CALCOCO1: variants seen among roughly 807,000 people sequenced by gnomAD.
CALCOCO1 encodes calcium binding and coiled-coil domain 1.
Under a neutral mutation model 86.3 loss-of-function variants are expected in CALCOCO1, and 44 were observed. That is an observed-to-expected ratio of 0.51 (90% confidence interval 0.40 to 0.66). CALCOCO1 has a LOEUF of 0.66. Among genes scored for constraint, CALCOCO1 ranks in the 30% least tolerant of loss-of-function variants. The pLI, the probability that CALCOCO1 is intolerant of heterozygous loss-of-function variation, is 0.00. For synonymous variants in CALCOCO1, 297 were observed against 327.6 expected, an observed-to-expected ratio of 0.91 and a Z score of 1.01; for missense variants, 708 against 851.1, an observed-to-expected ratio of 0.83 and a Z score of 2.09.
chr12:53,711,450 G>T lies in CALCOCO1; in HGVS notation c.*494C>A. 1 of 373,972 alleles carries T rather than the reference G, an allele frequency of 2.7e-6. No individual in the cohort carries two copies. Among genetic ancestry groups the T allele is most frequent in the Non-Finnish European group, 4.7e-6 (1 of 211,290 alleles). 23.2% of individuals were successfully genotyped at this position (373,972 alleles called of 1,614,324 possible). On this transcript the variant is annotated 3_prime_UTR_variant, in exon 15 of 15. Coordinates refer to ENST00000550804, the MANE Select transcript of CALCOCO1 (RefSeq NM_020898.3). ...ACCAATGAAACTGAGAACCAAAAGG[G>T]ACCTGAGAGGCCATGATGTCCATGC... is the stretch of plus-strand genomic sequence containing the variant.
chr12:53,719,171 C>T (rs1461376976), intron 7 of CALCOCO1, among the ~76,000 whole-genome samples: 1 of 151,368 alleles, frequency 6.6e-6, no homozygotes, highest in Non-Finnish European at 1.5e-5. Context: ...AAAGACTTTT[C>T]TAATGTCTCT....
Position 53,714,619 on chromosome 12 carries a change from C to T in CALCOCO1, c.1461G>A (p.Glu487=). 6.2e-7 allele frequency: 1 copy of T among 1,614,142 alleles called. No homozygotes were observed. The highest frequency in any genetic ancestry group is 8.5e-7 in the Non-Finnish European group (1 of 1,180,000). The change falls in exon 11 of 15, where the codon GAG becomes GAA. Residue 487 remains glutamate (E), a synonymous_variant. Coordinates refer to ENST00000550804, the MANE Select transcript of CALCOCO1 (RefSeq NM_020898.3). ...SALRVLQKEK[E]QLQEEKQELL... ...TCACCTGTTTCTCCTCCTGTAACTG[C>T]TCCTTTTCCTTCTGGAGCACACGCA...
rs1945509038 is a variant in CALCOCO1, at chr12:53,709,312, A to T, written c.*2632T>A. 1.3e-5 allele frequency: 2 copies of T among 152,260 alleles called. No homozygotes were observed. Among genetic ancestry groups the T allele is most frequent in the Admixed American group, 6.5e-5 (1 of 15,288 alleles). The allele number at this position is 152,260 out of a possible 1,614,324, so 9.4% of individuals were successfully genotyped here. A position where few individuals can be genotyped will look rare whatever the true frequency, so the allele number is the denominator to read the frequency against. ...GCTGCCCCTGGGTTTCCCCCAGCCC[A>T]TGCCGTCAATTACCCTTCCTTGAGC... On this transcript the variant is annotated 3_prime_UTR_variant, in exon 15 of 15. Transcript: ENST00000550804.
chr12:53,715,589 G>T, intron 9 of CALCOCO1: 1 of 763,150 alleles, frequency 1.3e-6, no homozygotes, highest in Non-Finnish European at 2.1e-6. Context: ...AAGGTACTCT[G>T]GTGATCAGGA....
chr12:53,724,923 A>T (rs771114940), intron 2 of CALCOCO1, 164 bp downstream of exon 2: 66 of 876,830 alleles, frequency 7.5e-5, no homozygotes, highest in Non-Finnish European at 1.0e-4. Flanking sequence ...GCTAAGATGG[A>T]GAAAATATGT....
At chr12:53,727,383 C>G (rs1417779506) in intron 1 of CALCOCO1, 21 bp downstream of exon 1, 2 of 152,256 alleles carry the variant, frequency 1.3e-5, no homozygotes, top group African/African-American at 4.8e-5. Context: ...AGATCGCCCC[C>G]AATTAGGCCA....
intron 1 of CALCOCO1, among the ~76,000 whole-genome samples, chr12:53,725,531 A>T (rs942110609): frequency 6.6e-6 from 1 of 152,216 alleles, no homozygotes; most frequent in Non-Finnish European, 1.5e-5. Flanking sequence ...AGACTTCTCT[A>T]ATTTTGCTCC....
rs1219091895 is a variant in CALCOCO1, at chr12:53,713,258, G to A, written c.1792-52C>T. The A allele has an allele frequency of 2.1e-6, 3 of 1,452,204 alleles. No individual in the cohort carries two copies. The Admixed American group carries it at 5.0e-5, about 24-fold the overall frequency. 90.0% of individuals were successfully genotyped at this position (1,452,204 alleles called of 1,614,324 possible). ...CTTTGGGGTGGTGTCCCAAGATGGG[G>A]GAGCAGCACATTGGGACAGGTATGG... On this transcript the variant is annotated intron_variant, in intron 13 of 14. Transcript: ENST00000550804.
chr12:53,718,560 G>T lies in CALCOCO1; in HGVS notation c.849+1179C>A, dbSNP rs959163066. Reference sequence around the variant, plus strand: ...CCTTTTTTTTCTGAGACAGAATCTTGCTCTGTCACCCAGGCTGAAGTTCAG... The same window carrying T: ...CCTTTTTTTTCTGAGACAGAATCTTTCTCTGTCACCCAGGCTGAAGTTCAG... On this transcript the variant is annotated intron_variant, in intron 7 of 14. Coordinates refer to ENST00000550804, the MANE Select transcript of CALCOCO1 (RefSeq NM_020898.3). Among the ~76,000 whole-genome samples the T allele has an allele frequency of 3.2e-4, 48 of 152,096 alleles. 1 individual carries two copies. Among genetic ancestry groups the T allele is most frequent in the African/African-American group, 1.2e-3 (48 of 41,474 alleles).
At position 53,725,129 on chromosome 12, in the gene CALCOCO1, T is replaced by A. The variant is rs1480140043; in HGVS notation, c.114A>T (p.Pro38=). ...TKVECHYTLP[P]GTMPSASDWI... ...AGTCACTGGCACTGGGCATGGTGCC[T>A]GGGGGAAGGGTGTAGTGACATTCCA... The change falls in exon 2 of 15, where the codon CCA becomes CCT. Residue 38 remains proline (P), a synonymous_variant. Coordinates refer to ENST00000550804, the MANE Select transcript of CALCOCO1 (RefSeq NM_020898.3). The A allele has an allele frequency of 1.9e-6, 3 of 1,612,138 alleles. No individual in the cohort carries two copies. Among genetic ancestry groups the A allele is most frequent in the African/African-American group, 2.7e-5 (2 of 74,826 alleles).
In CALCOCO1 at chr12:53,724,785, G is replaced by A. The variant is rs779481875; in HGVS notation, c.157-38C>T. 4.0e-6 allele frequency: 6 copies of A among 1,506,836 alleles called. No homozygotes were observed. The Admixed American group carries it at 1.1e-4, about 27-fold the overall frequency. The allele number at this position is 1,506,836 out of a possible 1,614,324, so 93.3% of individuals were successfully genotyped here. A position where few individuals can be genotyped will look rare whatever the true frequency, so the allele number is the denominator to read the frequency against. On this transcript the variant is annotated intron_variant, in intron 2 of 14. Coordinates refer to ENST00000550804, the MANE Select transcript of CALCOCO1 (RefSeq NM_020898.3). ...AAGGTTGGAGAAAGGTATGGTCATG[G>A]AACTACCTTCTATGGATGGAAGAAA...
intron 5 of CALCOCO1, 149 bp from the exon 6 acceptor site, chr12:53,721,764 A>T (rs770456682): frequency 2.9e-5 from 29 of 1,007,922 alleles, no homozygotes; most frequent in Non-Finnish European, 3.9e-5. Context: ...GTAAGGGAAC[A>T]TTCCCTTACC....
intron 7 of CALCOCO1, 68 bp from the exon 8 acceptor site, chr12:53,716,483 T>C (rs1565644869): frequency 1.3e-6 from 2 of 1,535,156 alleles, no homozygotes; most frequent in South Asian, 2.3e-5. Context: ...GGTGAACCAT[T>C]GTGATGAGAG....
rs985160334 is a variant in CALCOCO1 at position 53,711,206 on chromosome 12, A to AG, written c.*737dup. Reference sequence around the variant, plus strand: ...TTGCTGTGGGGGGACCTGGAGAGGGAGGGGGGCCTTGGAAATGGGGATACC... The same window carrying AG: ...TTGCTGTGGGGGGACCTGGAGAGGGAGGGGGGGCCTTGGAAATGGGGATACC... On this transcript the variant is annotated 3_prime_UTR_variant, in exon 15 of 15. Coordinates refer to ENST00000550804, the MANE Select transcript of CALCOCO1 (RefSeq NM_020898.3). The AG allele has an allele frequency of 1.3e-5, 5 of 397,892 alleles. No homozygotes were observed. Among genetic ancestry groups the AG allele is most frequent in the Middle Eastern group, 6.2e-4 (1 of 1,610 alleles). 24.6% of individuals were successfully genotyped at this position (397,892 alleles called of 1,614,324 possible).
chr12:53,715,770 C>T (rs1945707857), intron 9 of CALCOCO1, 23 bp downstream of exon 9: 1 of 1,607,098 alleles, frequency 6.2e-7, no homozygotes. Flanking sequence ...CATCAGATTG[C>T]CAGGTACCCC....
At chr12:53,722,408 C>G (rs1472692956) in intron 4 of CALCOCO1, among the ~76,000 whole-genome samples, 1 of 152,184 alleles carries the variant, frequency 6.6e-6, no homozygotes, top group African/African-American at 2.4e-5. Context: ...TACCCCTCCC[C>G]ACTCTAGGCC....
In CALCOCO1 at chr12:53,713,708, G is replaced by A. The variant is rs369598454; in HGVS notation, c.1784C>T (p.Ser595Phe). The change falls in exon 13 of 15, where the codon TCT becomes TTT. Residue 595 changes from serine to phenylalanine, a missense_variant. Physicochemically the swap from Ser to Phe is radical, Grantham distance 155 (BLOSUM62 -2). Transcript: ENST00000550804. ...HLSGPAEDSS[S>F]DSEAEDEKSV... ...GGCTCCTCCACTGCTCACCGAGTCA[G>A]AGCTACTGTCCTCAGCTGGCCCAGA... The A allele has an allele frequency of 1.9e-6, 3 of 1,550,856 alleles. No individual in the cohort carries two copies. Among genetic ancestry groups the A allele is most frequent in the Non-Finnish European group, 2.6e-6 (3 of 1,152,196 alleles).
chr12:53,716,142 T>C (rs529440420), intron 8 of CALCOCO1, 95 bp from the exon 9 acceptor site: 1 of 1,584,110 alleles, frequency 6.3e-7, no homozygotes, highest in Admixed American at 1.7e-5. Context: ...GCATTAGGAC[T>C]CGGGGTTGTG....
intron 3 of CALCOCO1, 154 bp downstream of exon 3, chr12:53,724,491 G>A (rs1422006397): frequency 1.2e-5 from 8 of 649,804 alleles, no homozygotes; most frequent in South Asian, 5.2e-5. Flanking sequence ...TTCTCTATCC[G>A]CTGAGCGCTG....
Sources: gnomAD v4.1 joint callset for allele counts (sites outside exome capture counted in the v4.1 genomes callset) on GRCh38, gnomAD v4.1.1 for gene constraint, MANE v1.5 for transcripts, NCBI Gene and HGNC (gene_info 2026-07-23, HGNC 2026-07-21) for gene names.